GLB1: variants seen among roughly 807,000 people sequenced by gnomAD.
GLB1 encodes the protein beta-galactosidase.
In GLB1, 56 loss-of-function variants were observed where a neutral mutation model predicts 74.0. The ratio of observed to expected loss-of-function variants is 0.76; its 90% CI spans 0.61 to 0.94. The LOEUF (loss-of-function observed/expected upper bound fraction) is 0.94, where lower values mean the gene tolerates loss of function less well. Ranked by LOEUF, GLB1 falls within the 40% of genes least tolerant of loss-of-function variation. The pLI, the probability that GLB1 is intolerant of heterozygous loss-of-function variation, is 0.00. For synonymous variants in GLB1, 323 were observed against 323.6 expected (o/e 1.00, Z 0.02); for missense variants, 787 against 845.5 (o/e 0.93, Z 0.86).
At chr3:33,041,534 C>T (rs1030244344) in intron 10 of GLB1, among the ~76,000 whole-genome samples, 27 of 151,672 alleles carry the variant, frequency 1.8e-4, no homozygotes, top group African/African-American at 3.6e-4. Context: ...TGGTGATGCA[C>T]GCCTGTAATC....
intron 7 of GLB1, 51 bp downstream of exon 7, chr3:33,053,440 A>G (rs1699082264): frequency 6.2e-7 from 1 of 1,613,904 alleles, no homozygotes; most frequent in Non-Finnish European, 8.5e-7. Context: ...AGCAGCATGT[A>G]ACTTTTCTCT....
chr3:33,074,684 A>C (rs1002109112), intron 1 of GLB1, among the ~76,000 whole-genome samples: 14 of 152,180 alleles, frequency 9.2e-5, no homozygotes, highest in African/African-American at 3.4e-4. Context: ...ACAGGAGCCA[A>C]GAGAACCAGG....
At chr3:33,075,036 AT>A (rs1273994665) in intron 1 of GLB1, among the ~76,000 whole-genome samples, 1 of 152,252 alleles carries the variant, frequency 6.6e-6, no homozygotes, top group Non-Finnish European at 1.5e-5. Context: ...TCAATTTAAC[AT>A]CACTTTATTC....
At chr3:33,038,277 T>C (rs1295133718) in intron 10 of GLB1, among the ~76,000 whole-genome samples, 4 of 152,224 alleles carry the variant, frequency 2.6e-5, no homozygotes, top group Non-Finnish European at 5.9e-5. Context: ...AATGTTTGTA[T>C]AATGATTAAG....
intron 1 of GLB1, among the ~76,000 whole-genome samples, chr3:33,089,860 G>A (rs1161228411): frequency 1.3e-5 from 2 of 152,076 alleles, no homozygotes; most frequent in African/African-American, 4.8e-5. Flanking sequence ...ACCTAACACT[G>A]TTGAACTATT....
intron 10 of GLB1, chr3:33,034,582 T>A (rs1013586204): frequency 2.8e-6 from 2 of 719,576 alleles, no homozygotes; most frequent in Admixed American, 3.7e-5. Flanking sequence ...CCTGTGATGA[T>A]GCCTTGGGAA....
intron 5 of GLB1, among the ~76,000 whole-genome samples, chr3:33,063,108 C>T (rs1183535692): frequency 6.6e-6 from 1 of 151,832 alleles, no homozygotes; most frequent in Non-Finnish European, 1.5e-5. Context: ...AGGAACTGTG[C>T]GTCAGAAGGT....
chr3:33,094,996 A>C (rs1700948816), intron 1 of GLB1, among the ~76,000 whole-genome samples: 1 of 152,178 alleles, frequency 6.6e-6, no homozygotes, highest in Admixed American at 6.5e-5. Context: ...AGATTACCTG[A>C]GGTCAGGAGT....
the GLB1 span, among the ~76,000 whole-genome samples, chr3:32,962,898 T>TAAATA: frequency 2.0e-5 from 3 of 152,090 alleles, no homozygotes; most frequent in Non-Finnish European, 1.5e-5. Context: ...ACAATGTTAT[T>TAAATA]CTTCAAGACA....
intron 1 of GLB1, among the ~76,000 whole-genome samples, chr3:33,089,680 T>C (rs1227436698): frequency 6.6e-6 from 1 of 152,194 alleles, no homozygotes; most frequent in Non-Finnish European, 1.5e-5. Flanking sequence ...TGATTTCACT[T>C]ATACGAGGTA....
chr3:32,995,221 G>A (rs959577674), downstream of GLB1, among the ~76,000 whole-genome samples: 6 of 152,172 alleles, frequency 3.9e-5, no homozygotes, highest in East Asian at 1.9e-4. Flanking sequence ...TCCACTGCTC[G>A]TGCCTTCTGG....
chr3:33,001,496 C>T (rs1696566748), intron 15 of GLB1, among the ~76,000 whole-genome samples: 1 of 152,182 alleles, frequency 6.6e-6, no homozygotes, highest in African/African-American at 2.4e-5. Flanking sequence ...GACCCTCCTC[C>T]TTAATGCTGG....
intron 1 of GLB1, among the ~76,000 whole-genome samples, chr3:33,078,917 C>T (rs1269435030): frequency 6.6e-6 from 1 of 152,118 alleles, no homozygotes; most frequent in African/African-American, 2.4e-5. Flanking sequence ...AATCATATCT[C>T]ATGGCAGTCT....
chr3:32,982,800 G>A, the GLB1 span, among the ~76,000 whole-genome samples: 170 of 152,282 alleles, frequency 1.1e-3, no homozygotes, highest in Middle Eastern at 0.014. Context: ...GTACCCTTCA[G>A]TGAGAGTCTC....
chr3:32,968,230 G>C, the GLB1 span, among the ~76,000 whole-genome samples: 1 of 152,156 alleles, frequency 6.6e-6, no homozygotes, highest in African/African-American at 2.4e-5. Flanking sequence ...GGAAAAGGCT[G>C]GTCTGGACAG....
chr3:33,082,787 C>T (rs976431841), intron 1 of GLB1, among the ~76,000 whole-genome samples: 2 of 152,180 alleles, frequency 1.3e-5, no homozygotes, highest in Non-Finnish European at 2.9e-5. Context: ...GAGACCTGGA[C>T]TGTCTGTGCA....
intron 5 of GLB1, among the ~76,000 whole-genome samples, chr3:33,063,960 G>A (rs965446914): frequency 2.0e-5 from 3 of 151,906 alleles, no homozygotes; most frequent in Admixed American, 6.6e-5. Flanking sequence ...TCTGTCCACC[G>A]ACACCTGAAA....
At position 33,093,944 on chromosome 3, in the gene GLB1, A is replaced by C. The variant is rs1700886856; in HGVS notation, c.75+3067T>G. ...GAAATGCCAGAACCACCACCTTCCAAAGCTGAAAACAGGTTGACTCTGCAG... is the reference window on the plus strand; with the variant it reads ...GAAATGCCAGAACCACCACCTTCCACAGCTGAAAACAGGTTGACTCTGCAG... On this transcript the variant is annotated intron_variant, in intron 1 of 15. Coordinates refer to ENST00000307363, the MANE Select transcript of GLB1 (RefSeq NM_000404.4). The surrounding 1 kb of genome is among the most constrained non-coding windows in gnomAD (Gnocchi z 6.0). 3 of 1,614,188 alleles carry C rather than the reference A, an allele frequency of 1.9e-6. No homozygotes were observed. The highest frequency in any genetic ancestry group is 2.5e-6 in the Non-Finnish European group (3 of 1,180,038).
At chr3:33,065,029 T>C (rs946750163) in intron 5 of GLB1, among the ~76,000 whole-genome samples, 2 of 152,088 alleles carry the variant, frequency 1.3e-5, no homozygotes, top group South Asian at 2.1e-4. Context: ...TATCTGACTG[T>C]CAAGGCAGTG....
Sources: allele counts gnomAD v4.1 joint callset (sites outside exome capture counted in the v4.1 genomes callset), GRCh38; gene constraint gnomAD v4.1.1; non-coding constraint Gnocchi (gnomAD v3.1); transcripts MANE v1.5; gene names NCBI Gene and HGNC (gene_info 2026-07-23, HGNC 2026-07-21).